Variants in PILRA observed in about 807,000 individuals in gnomAD.
PILRA encodes the protein paired immunoglobin like type 2 receptor alpha.
PILRA carries 37 observed loss-of-function variants against 33.1 expected under a neutral mutation model. The ratio of observed to expected loss-of-function variants is 1.12; its 90% CI spans 0.86 to 1.47. The LOEUF is 1.47. Ranked by LOEUF, PILRA falls within the 40% of genes most tolerant of loss-of-function variation. The probability of loss-of-function intolerance (pLI) is 0.00; values close to 1 mark genes in which losing one functional copy is unlikely to be tolerated. For missense variants in PILRA, 312 were observed against 376.2 expected, an observed-to-expected ratio of 0.83 and a Z score of 1.41; for synonymous variants, 146 against 149.9, an observed-to-expected ratio of 0.97 and a Z score of 0.19.
chr7:100,391,798 T>C (rs567300656), intron 3 of PILRA, among the ~76,000 whole-genome samples: 3 of 152,198 alleles, frequency 2.0e-5, no homozygotes, highest in Non-Finnish European at 2.9e-5. Context: ...CCAAGTACAA[T>C]GGGGAAGAGA....
At chr7:100,399,393 TC>T in intron 5 of PILRA, 53 bp downstream of exon 5, 2 of 1,506,280 alleles carry the variant, frequency 1.3e-6, no homozygotes, top group Middle Eastern at 1.7e-4. Context: ...ACTTCCTGTT[TC>T]CCCAAATACC....
At chr7:100,387,228 G>A (rs945027750) in intron 2 of PILRA, among the ~76,000 whole-genome samples, 3 of 152,130 alleles carry the variant, frequency 2.0e-5, no homozygotes, top group South Asian at 2.1e-4. Context: ...CTACTTCTTC[G>A]TTTGAGACAG....
At chr7:100,387,667 C>A (rs1262778555) in intron 2 of PILRA, among the ~76,000 whole-genome samples, 1 of 152,040 alleles carries the variant, frequency 6.6e-6, no homozygotes, top group Non-Finnish European at 1.5e-5. Flanking sequence ...GATTGCGCAC[C>A]CCAGCTTGGG....
At chr7:100,383,630 CTT>C (rs753345687) in intron 2 of PILRA, among the ~76,000 whole-genome samples, 5 of 143,436 alleles carry the variant, frequency 3.5e-5, no homozygotes, top group East Asian at 2.0e-4. Flanking sequence ...CTGACTCACA[CTT>C]TTTTTTTTTT....
rs1791625697 is a variant in PILRA, at chr7:100,399,916, C to CA, written c.*10dup. On this transcript the variant is annotated 3_prime_UTR_variant, in exon 7 of 7. Transcript: ENST00000198536. The stretch of plus-strand genomic sequence containing the variant: ...CTGTCTTAAAGGCCTAACCAATGGA[C>CA]AGCCCTCTCAAGACTGAATGGTGAG... The CA allele has an allele frequency of 2.5e-6, 4 of 1,593,362 alleles. No homozygotes were observed. Among genetic ancestry groups the CA allele is most frequent in the Non-Finnish European group, 2.6e-6 (3 of 1,170,192 alleles).
chr7:100,375,980 C>T (rs1790938474), intron 2 of PILRA: 1 of 152,166 alleles, frequency 6.6e-6, no homozygotes. Context: ...GGAGTTTCTC[C>T]CAGGCCCAGG....
At chr7:100,389,649 GAAGGA>G (rs368991801) in intron 2 of PILRA, among the ~76,000 whole-genome samples, 92 of 151,214 alleles carry the variant, frequency 6.1e-4, no homozygotes, top group Middle Eastern at 3.4e-3. Flanking sequence ...AGGGAGAGAG[GAAGGA>G]AAGGAAAGGA....
At chr7:100,396,103 GAC>G (rs2130238172) in intron 3 of PILRA, among the ~76,000 whole-genome samples, 1 of 152,160 alleles carries the variant, frequency 6.6e-6, no homozygotes, top group South Asian at 2.1e-4. Flanking sequence ...CAGCCTGGAT[GAC>G]AGAGCGAGAC....
chr7:100,396,263 T>C (rs1383409116), intron 3 of PILRA, among the ~76,000 whole-genome samples: 4 of 152,218 alleles, frequency 2.6e-5, no homozygotes, highest in African/African-American at 7.2e-5. Context: ...CTATTTTCAA[T>C]GGCCAAGAGG....
intron 5 of PILRA, 92 bp downstream of exon 5, chr7:100,399,432 T>C (rs1791596378): frequency 7.2e-7 from 1 of 1,387,504 alleles, no homozygotes; most frequent in Non-Finnish European, 1.0e-6. Flanking sequence ...CCCCTGTCAG[T>C]ATTTTCTTCT....
intron 2 of PILRA, among the ~76,000 whole-genome samples, chr7:100,376,993 A>G (rs571550771): frequency 6.6e-6 from 1 of 151,396 alleles, no homozygotes; most frequent in East Asian, 1.9e-4. Flanking sequence ...CAAACTCCTG[A>G]GCTCAAGTGA....
At chr7:100,375,730 TCAAA>T (rs56841488) in intron 2 of PILRA, among the ~76,000 whole-genome samples, 2,580 of 151,852 alleles carry the variant, frequency 0.017, 45 homozygotes, top group Admixed American at 0.053. Context: ...AGACTCCGCC[TCAAA>T]CAAACAAACA....
intron 2 of PILRA, chr7:100,376,091 A>G (rs1227007857): frequency 1.3e-5 from 2 of 152,206 alleles, no homozygotes; most frequent in Non-Finnish European, 2.9e-5. Flanking sequence ...ATCCTAAACA[A>G]TGCCAGGGAT....
Position 100,379,641 on chromosome 7 carries a change from C to T in PILRA, c.454+5208C>T, listed in dbSNP as rs13243306. Among the ~76,000 whole-genome samples, 230 of 141,824 alleles carry T rather than the reference C, an allele frequency of 1.6e-3. 1 individual carries two copies. Among genetic ancestry groups the T allele is most frequent in the Admixed American group, 4.3e-3 (57 of 13,356 alleles). 93.0% of individuals were successfully genotyped at this position (141,824 alleles called of 152,430 possible). A position where few individuals can be genotyped will look rare whatever the true frequency, so the allele number is the denominator to read the frequency against. Reference sequence around the variant, plus strand: ...CGAGATTGCACCACTGCACTCCAGCCTGAGCAACAGACGGAGACTCTGTCT... The same window carrying T: ...CGAGATTGCACCACTGCACTCCAGCTTGAGCAACAGACGGAGACTCTGTCT... On this transcript the variant is annotated intron_variant, in intron 2 of 6. Coordinates refer to ENST00000198536, the MANE Select transcript of PILRA (RefSeq NM_013439.3).
chr7:100,382,563 AGCTCTCTGTAAAACAGACCAATCG>A (rs1293454326), intron 2 of PILRA, among the ~76,000 whole-genome samples: 2 of 151,730 alleles, frequency 1.3e-5, no homozygotes, highest in South Asian at 2.1e-4. Flanking sequence ...CGGACCAATC[AGCTCTCTGTAAAACAGACCAATCG>A]GCTCTCTGTA....
intron 2 of PILRA, among the ~76,000 whole-genome samples, chr7:100,389,457 T>C (rs1487071816): frequency 6.6e-6 from 1 of 152,186 alleles, no homozygotes; most frequent in Admixed American, 6.5e-5. Flanking sequence ...TGTGATTTAG[T>C]TATCCCTATT....
chr7:100,378,987 G>A (rs1245434164), intron 2 of PILRA, among the ~76,000 whole-genome samples: 3 of 151,650 alleles, frequency 2.0e-5, no homozygotes, highest in East Asian at 1.9e-4. Flanking sequence ...CAGCTACTCC[G>A]GAGGCTGCGG....
intron 3 of PILRA, among the ~76,000 whole-genome samples, chr7:100,396,012 TACTC>T (rs1791486361): frequency 6.6e-6 from 1 of 151,952 alleles, no homozygotes; most frequent in Non-Finnish European, 1.5e-5. Flanking sequence ...TAATCCCAGC[TACTC>T]AGGAGGCTGA....
At chr7:100,393,396 A>G (rs1791429170) in intron 3 of PILRA, among the ~76,000 whole-genome samples, 1 of 152,164 alleles carries the variant, frequency 6.6e-6, no homozygotes, top group Admixed American at 6.6e-5. Context: ...AATTGAAGAG[A>G]AAGTTTGACA....
Sources: gnomAD v4.1 joint callset for allele counts (sites outside exome capture counted in the v4.1 genomes callset) on GRCh38, gnomAD v4.1.1 for gene constraint, MANE v1.5 for transcripts, NCBI Gene and HGNC (gene_info 2026-07-23, HGNC 2026-07-21) for gene names.